FAM120A: variants seen among roughly 807,000 people sequenced by gnomAD.
The protein encoded by FAM120A is family with sequence similarity 120 member A.
Under a neutral mutation model 109.7 loss-of-function variants are expected in FAM120A, and 15 were observed. The ratio of observed to expected loss-of-function variants is 0.14; its 90% confidence interval spans 0.09 to 0.21. The LOEUF (loss-of-function observed/expected upper bound fraction) is 0.21, where lower values mean the gene tolerates loss of function less well. FAM120A is among the 10% of genes least tolerant of loss of function. The pLI is 1.00. For synonymous variants in FAM120A, 493 were observed against 572.8 expected (o/e 0.86, Z 1.99); for missense variants, 899 against 1,439.3 (o/e 0.62, Z 6.07).
At chr9:93,462,492 G>A (rs1030735148) in intron 1 of FAM120A, among the ~76,000 whole-genome samples, 9 of 152,168 alleles carry the variant, frequency 5.9e-5, no homozygotes, top group Non-Finnish European at 1.0e-4. Flanking sequence ...ATCTTGGCCA[G>A]GCTGGTCTTG....
chr9:93,506,112 T>C (rs1434899227), intron 5 of FAM120A, among the ~76,000 whole-genome samples: 1 of 152,234 alleles, frequency 6.6e-6, no homozygotes, highest in Non-Finnish European at 1.5e-5. Flanking sequence ...TGATGTCTGA[T>C]TGGGGAAATC....
intron 1 of FAM120A, among the ~76,000 whole-genome samples, chr9:93,467,907 G>C (rs1858124700): frequency 3.3e-5 from 5 of 151,574 alleles, no homozygotes; most frequent in African/African-American, 1.2e-4. Flanking sequence ...TTGAGACGGA[G>C]TTTCGCTCTT....
At chr9:93,466,951 C>T (rs1485921582) in intron 1 of FAM120A, among the ~76,000 whole-genome samples, 7 of 152,188 alleles carry the variant, frequency 4.6e-5, no homozygotes, top group South Asian at 2.1e-4. Context: ...GTCGAGTGCA[C>T]TGTTTCCCAG....
rs745532863 is a variant in FAM120A, at chr9:93,529,355, A to C, written c.1509A>C (p.Ala503=). The change falls in exon 9 of 18, where the codon GCA becomes GCC. Residue 503 remains alanine, a splice_region_variant and synonymous_variant. Coordinates refer to ENST00000277165, the MANE Select transcript of FAM120A (RefSeq NM_014612.5). ...ARGDPGDQTK[A]EGSSTASSGS... ...CCCTTCTGCTCTCTGCACTGTAGGC[A>C]GAAGGCTCGTCCACTGCCTCTTCAG... The C allele has an allele frequency of 1.2e-6, 2 of 1,601,266 alleles. No homozygotes were observed. The highest frequency in any genetic ancestry group is 1.7e-6 in the Non-Finnish European group (2 of 1,174,070).
At chr9:93,480,025 G>A (rs1858727966) in intron 3 of FAM120A, among the ~76,000 whole-genome samples, 1 of 152,288 alleles carries the variant, frequency 6.6e-6, no homozygotes, top group African/African-American at 2.4e-5. Context: ...TTATTAGTTA[G>A]TAGTAGATCG....
At chr9:93,479,612 T>C (rs2131288793) in intron 3 of FAM120A, among the ~76,000 whole-genome samples, 1 of 152,344 alleles carries the variant, frequency 6.6e-6, no homozygotes, top group South Asian at 2.1e-4. Flanking sequence ...TTTTACCATC[T>C]GATGAAAATC....
At chr9:93,497,105 A>G (rs1859608905) in intron 3 of FAM120A, among the ~76,000 whole-genome samples, 1 of 152,212 alleles carries the variant, frequency 6.6e-6, no homozygotes, top group African/African-American at 2.4e-5. Flanking sequence ...TGGTGGCTCC[A>G]GGCCTTCTCT....
intron 10 of FAM120A, among the ~76,000 whole-genome samples, chr9:93,534,266 G>T (rs1156274171): frequency 6.6e-6 from 1 of 152,174 alleles, no homozygotes; most frequent in Non-Finnish European, 1.5e-5. Flanking sequence ...GGGGACAGGA[G>T]GGGAGGTGGG....
rs774561646 is a variant in FAM120A at position 93,529,499 on chromosome 9, C to T, written c.1653C>T (p.Val551=). 14 of 1,614,088 alleles carry T rather than the reference C, an allele frequency of 8.7e-6. No individual in the cohort carries two copies. The highest frequency in any genetic ancestry group is 1.7e-5 in the Admixed American group (1 of 60,002). ...TCACCACACCTCCCCTGCCCCCCGT[C>T]GCACCTGAGGTGCTGAGAGTGGCCG... is the stretch of plus-strand genomic sequence containing the variant. ...MDITTPPLPP[V]APEVLRVAEH... is the part of the protein sequence containing the mutation. Residue 551 remains valine (V), a synonymous_variant, in exon 9 of 18, where the codon GTC becomes GTT. Transcript: ENST00000277165.
intron 1 of FAM120A, among the ~76,000 whole-genome samples, chr9:93,469,585 T>C (rs1354328207): frequency 6.6e-6 from 1 of 152,216 alleles, no homozygotes; most frequent in Admixed American, 6.5e-5. Context: ...TTACCATTTC[T>C]AGAAGTGAGA....
Position 93,503,879 on chromosome 9 carries a change from T to C in FAM120A, c.1030+4993T>C, listed in dbSNP as rs756999486. ...TTTTAAAGTAAAGAGCTCGTTGATTTGTGCATTTCATGACAGGCAGTGTGC... is the reference window on the plus strand; with the variant it reads ...TTTTAAAGTAAAGAGCTCGTTGATTCGTGCATTTCATGACAGGCAGTGTGC... On this transcript the variant is annotated intron_variant, in intron 5 of 17. Coordinates refer to ENST00000277165, the MANE Select transcript of FAM120A (RefSeq NM_014612.5). Among the ~76,000 whole-genome samples the C allele has an allele frequency of 9.2e-5, 14 of 152,134 alleles. 1 individual carries two copies. The highest frequency in any genetic ancestry group is 1.8e-4 in the Non-Finnish European group (12 of 68,032).
Position 93,557,904 on chromosome 9 carries a change from G to A in FAM120A, c.2562G>A (p.Thr854=), listed in dbSNP as rs1374691566. The change falls in exon 14 of 18, where the codon ACG becomes ACA. Residue 854 remains threonine (T), a synonymous_variant. Coordinates refer to ENST00000277165, the MANE Select transcript of FAM120A (RefSeq NM_014612.5). ...TCAGCTTCTCCAGGCAGAGCCACAC[G>A]CTCCCTTTCCCGCCGCCACCTGCCC... ...EGLSFSRQSH[T]LPFPPPPALP... 1.1e-5 allele frequency: 17 copies of A among 1,612,180 alleles called. No homozygotes were observed. Among genetic ancestry groups the A allele is most frequent in the Admixed American group, 5.0e-5 (3 of 59,986 alleles).
At position 93,556,525 on chromosome 9, in the gene FAM120A, C is replaced by T. The variant is rs771193340; in HGVS notation, c.2418C>T (p.Leu806=). The T allele has an allele frequency of 5.0e-6, 8 of 1,614,258 alleles. No homozygotes were observed. The highest frequency in any genetic ancestry group is 2.2e-5 in the East Asian group (1 of 44,890). ...CCPWMYFDGK[L]FQSKLLKASR... is the part of the protein sequence containing the mutation. ...CTTGGATGTATTTTGATGGGAAGCT[C>T]TTCCAATCCAAACTCCTCAAAGCCA... The change falls in exon 13 of 18, where the codon CTC becomes CTT. Residue 806 remains leucine, a synonymous_variant. Coordinates refer to ENST00000277165, the MANE Select transcript of FAM120A (RefSeq NM_014612.5).
intron 2 of FAM120A, among the ~76,000 whole-genome samples, chr9:93,473,098 A>T (rs779825077): frequency 1.3e-5 from 2 of 151,706 alleles, no homozygotes; most frequent in Non-Finnish European, 2.9e-5. Flanking sequence ...GGTCACTGCA[A>T]CCTCCACCTG....
chr9:93,492,937 C>T (rs1320594206), intron 3 of FAM120A, among the ~76,000 whole-genome samples: 19 of 152,186 alleles, frequency 1.2e-4, no homozygotes, highest in East Asian at 1.9e-4. Context: ...TGCCCAGTTA[C>T]TTGTGGTGTC....
chr9:93,502,294 T>G (rs933312560), intron 5 of FAM120A, among the ~76,000 whole-genome samples: 2 of 152,168 alleles, frequency 1.3e-5, no homozygotes, highest in Non-Finnish European at 2.9e-5. Context: ...AAACATGGGG[T>G]GAGTTGATCT....
In FAM120A at chr9:93,527,215, A is replaced by T. The variant is rs1564345518; in HGVS notation, c.1479A>T (p.Ala493=). ...CGGGAAGCCACTCAGAGCCTCAGGCACGAGGAGACCCAGGAGACCAAACAA... is the reference window on the plus strand; with the variant it reads ...CGGGAAGCCACTCAGAGCCTCAGGCTCGAGGAGACCCAGGAGACCAAACAA... The part of the protein sequence containing the change: ...EKTGSHSEPQ[A]RGDPGDQTKA... The change falls in exon 8 of 18, where the codon GCA becomes GCT. Residue 493 remains alanine, a synonymous_variant. Coordinates refer to ENST00000277165, the MANE Select transcript of FAM120A (RefSeq NM_014612.5). The T allele has an allele frequency of 1.9e-6, 3 of 1,614,174 alleles. No homozygotes were observed. The highest frequency in any genetic ancestry group is 2.5e-6 in the Non-Finnish European group (3 of 1,179,996).
At chr9:93,535,561 T>A (rs1315571346) in intron 10 of FAM120A, among the ~76,000 whole-genome samples, 1 of 150,368 alleles carries the variant, frequency 6.7e-6, no homozygotes, top group African/African-American at 2.5e-5. Context: ...AGTTTAGAAT[T>A]TGGGAGACCT....
At chr9:93,517,126 C>G (rs886375302) in intron 7 of FAM120A, among the ~76,000 whole-genome samples, 2 of 152,242 alleles carry the variant, frequency 1.3e-5, no homozygotes, top group Non-Finnish European at 2.9e-5. Context: ...GTCCTCTGTC[C>G]ATCTGTGAAA....
Sources: allele counts gnomAD v4.1 joint callset (sites outside exome capture counted in the v4.1 genomes callset), GRCh38; gene constraint gnomAD v4.1.1; transcripts MANE v1.5; gene names NCBI Gene and HGNC (gene_info 2026-07-23, HGNC 2026-07-21).